The following ROR2 variants were observed in gnomAD, a reference collection of about 807,000 sequenced individuals.
The protein encoded by ROR2 is ROR family WNT receptor 2.
In ROR2, 33 loss-of-function variants were observed where a neutral mutation model predicts 74.9. That is an observed-to-expected ratio of 0.44 (90% CI 0.33 to 0.59). The LOEUF (loss-of-function observed/expected upper bound fraction) is 0.59, where lower values mean the gene tolerates loss of function less well. Ranked by LOEUF, ROR2 falls within the 20% of genes least tolerant of loss-of-function variation. The pLI is 0.02. For missense variants in ROR2, 1,216 were observed against 1,313.8 expected (o/e 0.93, Z 1.15); for synonymous variants, 586 against 558.7 (o/e 1.05, Z -0.69).
At chr9:91,764,312 A>T (rs1199635718) in intron 2 of ROR2, among the ~76,000 whole-genome samples, 2 of 152,194 alleles carry the variant, frequency 1.3e-5, no homozygotes, top group East Asian at 3.8e-4. Flanking sequence ...TATAACTCTT[A>T]TAAGTGGCAT....
At chr9:91,825,170 G>A (rs965914636) in intron 1 of ROR2, among the ~76,000 whole-genome samples, 1 of 152,174 alleles carries the variant, frequency 6.6e-6, no homozygotes, top group Non-Finnish European at 1.5e-5. Context: ...AAAGCAAGGC[G>A]CCCCTCCCAG....
intron 7 of ROR2, among the ~76,000 whole-genome samples, chr9:91,727,962 G>C (rs896109899): frequency 1.3e-5 from 2 of 152,176 alleles, no homozygotes; most frequent in African/African-American, 4.8e-5. Flanking sequence ...CCACCTAGCA[G>C]CTTCCCCTCT....
chr9:91,785,469 A>G (rs1405078872), intron 1 of ROR2, among the ~76,000 whole-genome samples: 4 of 152,372 alleles, frequency 2.6e-5, no homozygotes, highest in Admixed American at 1.3e-4. Context: ...ATGAAACTCC[A>G]GAGTCTAGGT....
intron 1 of ROR2, among the ~76,000 whole-genome samples, chr9:91,924,272 G>A (rs1831340962): frequency 6.6e-6 from 1 of 152,192 alleles, no homozygotes; most frequent in African/African-American, 2.4e-5. Flanking sequence ...GTCACGCTGG[G>A]GACTGCCCGG....
At chr9:91,755,801 T>C (rs1256014530) in intron 4 of ROR2, 6 of 568,720 alleles carry the variant, frequency 1.1e-5, no homozygotes, top group Middle Eastern at 9.5e-4. Flanking sequence ...GCCTGTATAT[T>C]TATACTCCTC....
chr9:91,746,848 C>G (rs1825435889), intron 4 of ROR2, among the ~76,000 whole-genome samples: 1 of 130,222 alleles, frequency 7.7e-6, no homozygotes, highest in South Asian at 2.6e-4. Context: ...AACACACTTT[C>G]CTTGAGCAGG....
chr9:91,825,513 G>A (rs1828259446), intron 1 of ROR2, among the ~76,000 whole-genome samples: 1 of 152,344 alleles, frequency 6.6e-6, no homozygotes, highest in Middle Eastern at 3.4e-3. Context: ...CCCAGACGAT[G>A]CAGAAAGACT....
chr9:91,874,990 A>G (rs1420156392), intron 1 of ROR2, among the ~76,000 whole-genome samples: 1 of 152,194 alleles, frequency 6.6e-6, no homozygotes, highest in African/African-American at 2.4e-5. Flanking sequence ...ATTCTCACCA[A>G]AAAGCCTTGG....
chr9:91,776,360 C>G (rs924545306), intron 1 of ROR2, among the ~76,000 whole-genome samples: 3 of 152,166 alleles, frequency 2.0e-5, no homozygotes, highest in Non-Finnish European at 4.4e-5. Context: ...TCCATTCTTC[C>G]TATCATTTCT....
intron 1 of ROR2, among the ~76,000 whole-genome samples, chr9:91,811,610 A>T (rs1391358060): frequency 6.6e-6 from 1 of 152,166 alleles, no homozygotes; most frequent in Non-Finnish European, 1.5e-5. Flanking sequence ...GAAGCCACCC[A>T]ACTACCTCCT....
chr9:91,894,186 C>G (rs973941052), intron 1 of ROR2, among the ~76,000 whole-genome samples: 2 of 152,190 alleles, frequency 1.3e-5, no homozygotes, highest in African/African-American at 4.8e-5. Flanking sequence ...TTGAACACAC[C>G]AAGCTTGCTC....
intron 1 of ROR2, among the ~76,000 whole-genome samples, chr9:91,777,663 A>G (rs766542735): frequency 6.6e-6 from 1 of 151,966 alleles, no homozygotes; most frequent in Non-Finnish European, 1.5e-5. Flanking sequence ...CATCTCCCCA[A>G]AAAACCTCAT....
At chr9:91,925,188 G>A (rs1831364060) in intron 1 of ROR2, among the ~76,000 whole-genome samples, 1 of 152,108 alleles carries the variant, frequency 6.6e-6, no homozygotes, top group Non-Finnish European at 1.5e-5. Flanking sequence ...AGGTGATGCT[G>A]ATGCCAGTGG....
rs929757322 is a variant in ROR2 at position 91,733,516 on chromosome 9, G to C, written c.623-80C>G. On this transcript the variant is annotated intron_variant, in intron 5 of 8. Coordinates refer to ENST00000375708, the MANE Select transcript of ROR2 (RefSeq NM_004560.4). This position sits in a 1 kb window ranked among gnomAD's most constrained non-coding sequence, Gnocchi z 5.7. ...TTCATCCAGTCCCCACCCCCAGCCT[G>C]GCATCCCAGACTGCCCACTCAGCCC... is the stretch of plus-strand genomic sequence containing the variant. 6.9e-7 allele frequency: 1 copy of C among 1,457,830 alleles called. No homozygotes were observed. Among genetic ancestry groups the C allele is most frequent in the African/African-American group, 1.4e-5 (1 of 71,124 alleles). 90.3% of individuals were successfully genotyped at this position (1,457,830 alleles called of 1,614,324 possible). A position where few individuals can be genotyped will look rare whatever the true frequency, so the allele number is the denominator to read the frequency against.
chr9:91,944,907 T>C (rs1380542831), intron 1 of ROR2, among the ~76,000 whole-genome samples: 1 of 151,872 alleles, frequency 6.6e-6, no homozygotes, highest in Non-Finnish European at 1.5e-5. Flanking sequence ...AATCAAAGAA[T>C]TAGCCAGGCA....
At chr9:91,833,642 A>G (rs1344221980) in intron 1 of ROR2, among the ~76,000 whole-genome samples, 1 of 151,966 alleles carries the variant, frequency 6.6e-6, no homozygotes, top group Admixed American at 6.6e-5. Flanking sequence ...CACCCTGCAG[A>G]CCTGCATGCC....
At chr9:91,759,836 C>A (rs777321703) in intron 2 of ROR2, among the ~76,000 whole-genome samples, 7 of 152,128 alleles carry the variant, frequency 4.6e-5, no homozygotes, top group Non-Finnish European at 8.8e-5. Flanking sequence ...TCCAGCCAGG[C>A]CTTGAGGCAG....
At chr9:91,909,838 GTTTGTTTTGTTTTTT>G (rs1830911871) in intron 1 of ROR2, among the ~76,000 whole-genome samples, 1 of 63,198 alleles carries the variant, frequency 1.6e-5, no homozygotes, top group Non-Finnish European at 2.9e-5. Context: ...TTTTTTTTAG[GTTTGTTTTGTTTTTT>G]TTTTTTTTTT....
intron 1 of ROR2, among the ~76,000 whole-genome samples, chr9:91,819,731 T>C (rs545943312): frequency 3.8e-4 from 57 of 151,642 alleles, no homozygotes; most frequent in African/African-American, 1.2e-3. Context: ...TTTGAGTATG[T>C]ATCTGTGTGT....
Sources: gnomAD v4.1 joint callset for allele counts (sites outside exome capture counted in the v4.1 genomes callset) on GRCh38, gnomAD v4.1.1 for gene constraint, Gnocchi (gnomAD v3.1) non-coding constraint, MANE v1.5 for transcripts, NCBI Gene and HGNC (gene_info 2026-07-23, HGNC 2026-07-21) for gene names.